The following HSD17B12 variants were observed in gnomAD, a reference collection of about 807,000 sequenced individuals.
HSD17B12 encodes the protein hydroxysteroid 17-beta dehydrogenase 12.
A neutral mutation model predicts 39.3 loss-of-function variants in HSD17B12; 32 were observed. The ratio of observed to expected loss-of-function variants is 0.81; its 90% confidence interval spans 0.61 to 1.09. HSD17B12 has a LOEUF of 1.09. HSD17B12 is among the 50% of genes least tolerant of loss of function. The pLI is 0.00. For missense variants in HSD17B12, 342 were observed against 382.9 expected (o/e 0.89, Z 0.89); for synonymous variants, 150 against 146.7 (o/e 1.02, Z -0.16).
At chr11:43,739,033 A>C (rs769633116) in intron 1 of HSD17B12, among the ~76,000 whole-genome samples, 6 of 152,248 alleles carry the variant, frequency 3.9e-5, no homozygotes, top group Non-Finnish European at 7.3e-5. Context: ...TGTGGACAAA[A>C]TTAGTTCCAG....
At chr11:43,847,715 C>CAAAAAAAAAAA (rs749195210) in intron 9 of HSD17B12, among the ~76,000 whole-genome samples, 3,059 of 85,072 alleles carry the variant, frequency 0.036, 154 homozygotes, top group Middle Eastern at 0.051. Flanking sequence ...CTCTGCCTCA[C>CAAAAAAAAAAA]AAAAAAAAAA....
At chr11:43,694,107 T>C (rs1949888195) in intron 1 of HSD17B12, among the ~76,000 whole-genome samples, 1 of 152,244 alleles carries the variant, frequency 6.6e-6, no homozygotes, top group African/African-American at 2.4e-5. Flanking sequence ...GGTGACATTT[T>C]AATTTACAGA....
upstream of HSD17B12, among the ~76,000 whole-genome samples, chr11:43,677,455 A>G (rs750249406): frequency 6.6e-6 from 1 of 152,126 alleles, no homozygotes; most frequent in Non-Finnish European, 1.5e-5. Flanking sequence ...ATTTTTTTAA[A>G]TTATACTTTA....
chr11:43,649,779 G>C, the HSD17B12 span, among the ~76,000 whole-genome samples: 5 of 152,172 alleles, frequency 3.3e-5, no homozygotes, highest in African/African-American at 1.2e-4. Context: ...CCAGTTCCAG[G>C]TATTGCTCTT....
At chr11:43,786,047 A>G (rs1950813066) in intron 3 of HSD17B12, among the ~76,000 whole-genome samples, 1 of 152,220 alleles carries the variant, frequency 6.6e-6, no homozygotes, top group Non-Finnish European at 1.5e-5. Context: ...TGGACAACAA[A>G]TACTGTTGCT....
At chr11:43,817,447 C>CTTCTA in intron 6 of HSD17B12, among the ~76,000 whole-genome samples, 1 of 152,190 alleles carries the variant, frequency 6.6e-6, no homozygotes, top group East Asian at 1.9e-4. Context: ...AGGGTTTTTC[C>CTTCTA]AATGATATCT....
At chr11:43,705,421 A>T (rs1950003768) in intron 1 of HSD17B12, among the ~76,000 whole-genome samples, 2 of 152,204 alleles carry the variant, frequency 1.3e-5, no homozygotes, top group African/African-American at 4.8e-5. Flanking sequence ...AGTTACTCTA[A>T]ATATTTTTAG....
chr11:43,666,335 G>T, the HSD17B12 span, among the ~76,000 whole-genome samples: 1 of 152,134 alleles, frequency 6.6e-6, no homozygotes, highest in Non-Finnish European at 1.5e-5. Flanking sequence ...TCCCCTAGCA[G>T]CTGGGACCTT....
the HSD17B12 span, among the ~76,000 whole-genome samples, chr11:43,653,743 T>C: frequency 3.9e-5 from 6 of 152,248 alleles, no homozygotes; most frequent in African/African-American, 1.4e-4. Context: ...TCATTTTTTA[T>C]GGCTGCATAG....
chr11:43,776,039 C>A (rs1173384182), intron 3 of HSD17B12, among the ~76,000 whole-genome samples: 2 of 152,116 alleles, frequency 1.3e-5, no homozygotes, highest in Admixed American at 6.6e-5. Flanking sequence ...AAGTCTTTGC[C>A]ATTGTGAATA....
chr11:43,581,742 G>A, the HSD17B12 span, among the ~76,000 whole-genome samples: 1 of 152,090 alleles, frequency 6.6e-6, no homozygotes, highest in African/African-American at 2.4e-5. The surrounding 1 kb of genome is among the most constrained non-coding windows in gnomAD (Gnocchi z 4.9). Context: ...GGAGAAGTGA[G>A]AAGAAGCTAA....
At chr11:43,689,998 C>T (rs920769584) in intron 1 of HSD17B12, among the ~76,000 whole-genome samples, 1 of 152,210 alleles carries the variant, frequency 6.6e-6, no homozygotes, top group South Asian at 2.1e-4. Context: ...TTTTCCTCTT[C>T]ACGGAATGCT....
At chr11:43,705,780 T>G (rs113460638) in intron 1 of HSD17B12, among the ~76,000 whole-genome samples, 1 of 143,556 alleles carries the variant, frequency 7.0e-6, no homozygotes, top group Admixed American at 7.0e-5. Flanking sequence ...TTTTTTTTTT[T>G]TTTTTTGAGA....
At chr11:43,820,666 C>A (rs541450740) in intron 6 of HSD17B12, among the ~76,000 whole-genome samples, 1 of 152,324 alleles carries the variant, frequency 6.6e-6, no homozygotes, top group East Asian at 1.9e-4. Context: ...AGGAAGAGAG[C>A]AACCTCTTCT....
chr11:43,698,815 C>T (rs1949936640), intron 1 of HSD17B12, among the ~76,000 whole-genome samples: 1 of 152,188 alleles, frequency 6.6e-6, no homozygotes, highest in African/African-American at 2.4e-5. Flanking sequence ...AGTTGATCAG[C>T]TTGTGTGAGG....
intron 3 of HSD17B12, among the ~76,000 whole-genome samples, chr11:43,763,332 C>A (rs909426586): frequency 6.6e-6 from 1 of 151,852 alleles, no homozygotes; most frequent in African/African-American, 2.4e-5. Flanking sequence ...AACTTTTGTT[C>A]GAAAATCATT....
the HSD17B12 span, among the ~76,000 whole-genome samples, chr11:43,609,129 C>G: frequency 6.6e-6 from 1 of 151,376 alleles, no homozygotes; most frequent in African/African-American, 2.4e-5. Context: ...TTGTTAGGAC[C>G]AATTTTCGTC....
intron 3 of HSD17B12, among the ~76,000 whole-genome samples, chr11:43,794,448 A>G (rs1168691986): frequency 6.6e-6 from 1 of 152,224 alleles, no homozygotes. Context: ...TAAGTTTTTA[A>G]AAAAGAAGAA....
At chr11:43,684,306 T>C (rs1222788760) in intron 1 of HSD17B12, among the ~76,000 whole-genome samples, 4 of 152,224 alleles carry the variant, frequency 2.6e-5, no homozygotes, top group Non-Finnish European at 4.4e-5. Context: ...TTTCAGGTGT[T>C]TGAAGGTCAG....
Sources: gnomAD v4.1 joint callset for allele counts (sites outside exome capture counted in the v4.1 genomes callset) on GRCh38, gnomAD v4.1.1 for gene constraint, Gnocchi (gnomAD v3.1) non-coding constraint, MANE v1.5 for transcripts, NCBI Gene and HGNC (gene_info 2026-07-23, HGNC 2026-07-21) for gene names.